Variants in DPRX observed in about 807,000 individuals in gnomAD.
DPRX encodes divergent paired-related homeobox.
A neutral mutation model predicts 8.4 loss-of-function variants in DPRX; 11 were observed. The observed-to-expected ratio is 1.31, with a 90% confidence interval of 0.82 to 2.17. The LOEUF is 2.17. DPRX is among the 30% of genes most tolerant of loss of function. The probability of loss-of-function intolerance (pLI) is 0.00; values close to 1 mark genes in which losing one functional copy is unlikely to be tolerated. For synonymous variants in DPRX, 72 were observed against 87.0 expected, an observed-to-expected ratio of 0.83 and a Z score of 0.96; for missense variants, 211 against 236.7, an observed-to-expected ratio of 0.89 and a Z score of 0.71.
chr19:53,621,569 A>G, the DPRX span, among the ~76,000 whole-genome samples: 150,251 of 152,218 alleles, frequency 0.99, 74,159 homozygotes, highest in East Asian at 1. Flanking sequence ...GCTGAGGCAG[A>G]CTGATCACTT....
At chr19:53,603,949 T>G in the DPRX span, among the ~76,000 whole-genome samples, 3 of 152,002 alleles carry the variant, frequency 2.0e-5, no homozygotes, top group Admixed American at 1.3e-4. Context: ...TTTCACCATG[T>G]TGGCCAGGCT....
At chr19:53,611,184 G>A in the DPRX span, among the ~76,000 whole-genome samples, 3 of 151,984 alleles carry the variant, frequency 2.0e-5, no homozygotes, top group East Asian at 3.9e-4. Context: ...TTACAGGCGC[G>A]AGCCACAGAG....
the DPRX span, among the ~76,000 whole-genome samples, chr19:53,624,541 T>C: frequency 6.6e-6 from 1 of 151,656 alleles, no homozygotes; most frequent in African/African-American, 2.4e-5. Context: ...GCCTTCTGAG[T>C]AGTTGGGATT....
chr19:53,601,298 T>A, the DPRX span: 3 of 456,390 alleles, frequency 6.6e-6, no homozygotes, highest in African/African-American at 6.0e-5. Flanking sequence ...TGGGCCCAGG[T>A]CTCAGTGGTC....
chr19:53,634,487 G>T, intron 1 of DPRX, 44 bp from the exon 2 acceptor site: 1 of 1,582,796 alleles, frequency 6.3e-7, no homozygotes, highest in Non-Finnish European at 8.6e-7. Flanking sequence ...TGAGAATGGA[G>T]TTGTTAGCAT....
At chr19:53,630,649 GA>G (rs952956236), upstream of DPRX, among the ~76,000 whole-genome samples, 14 of 147,044 alleles carry the variant, frequency 9.5e-5, no homozygotes, top group African/African-American at 1.7e-4. Context: ...GTCTCAAAAA[GA>G]AAAAAAAAAG....
chr19:53,610,146 T>G, the DPRX span, among the ~76,000 whole-genome samples: 5 of 8,058 alleles, frequency 6.2e-4, no homozygotes, highest in Admixed American at 2.0e-3. Flanking sequence ...AGCAAAACTG[T>G]GTCTCAAAAA....
the DPRX span, chr19:53,607,052 G>A: frequency 0.011 from 1,746 of 153,896 alleles, 33 homozygotes; most frequent in African/African-American, 0.039. Flanking sequence ...CAGGGAGCCC[G>A]AGCTACGGGG....
At chr19:53,624,646 C>T in the DPRX span, among the ~76,000 whole-genome samples, 1 of 151,806 alleles carries the variant, frequency 6.6e-6, no homozygotes, top group Non-Finnish European at 1.5e-5. Context: ...AACTCCTGGC[C>T]ACAAGTGATC....
upstream of DPRX, among the ~76,000 whole-genome samples, chr19:53,631,375 A>G (rs543320478): frequency 2.0e-5 from 3 of 152,268 alleles, no homozygotes; most frequent in East Asian, 1.9e-4. Flanking sequence ...CCAAGCATAT[A>G]TTAGCCACTA....
At chr19:53,621,695 G>T in the DPRX span, among the ~76,000 whole-genome samples, 4 of 151,862 alleles carry the variant, frequency 2.6e-5, no homozygotes, top group Non-Finnish European at 5.9e-5. Flanking sequence ...TGAGGCAGGA[G>T]AATCGGTTGA....
the DPRX span, among the ~76,000 whole-genome samples, chr19:53,618,734 G>A: frequency 6.7e-6 from 1 of 149,722 alleles, no homozygotes; most frequent in South Asian, 2.1e-4. Context: ...CCAGGCTGGA[G>A]TGCAGTGGCA....
rs755483042 is a variant in DPRX, at chr19:53,632,180, T to C, written c.28+46T>C. The C allele has an allele frequency of 3.1e-6, 5 of 1,613,052 alleles. No homozygotes were observed. The Admixed American group carries it at 6.7e-5, about 22-fold the overall frequency. On this transcript the variant is annotated intron_variant, in intron 1 of 2. Coordinates refer to ENST00000376650, the Ensembl canonical transcript of DPRX. The stretch of plus-strand genomic sequence containing the variant: ...ACCGAAGCAAAGACACGTGAAGAAG[T>C]GGAAAGCAGCTGGCGGCGGGAAAAG...
chr19:53,610,430 T>C, the DPRX span, among the ~76,000 whole-genome samples: 1 of 152,158 alleles, frequency 6.6e-6, no homozygotes, highest in Non-Finnish European at 1.5e-5. Flanking sequence ...TATCAAAATA[T>C]CACGTGCCCC....
At chr19:53,616,714 A>G in the DPRX span, 4 of 1,114,330 alleles carry the variant, frequency 3.6e-6, no homozygotes, top group Non-Finnish European at 5.0e-6. Context: ...AGATCGCACC[A>G]TTGCATTCCA....
the DPRX span, among the ~76,000 whole-genome samples, chr19:53,624,841 A>AAAG: frequency 1.3e-4 from 18 of 142,392 alleles, no homozygotes; most frequent in African/African-American, 4.3e-4. Flanking sequence ...AAAAAAAAAA[A>AAAG]AAAGAAAGAA....
the DPRX span, chr19:53,606,826 A>G: frequency 6.5e-5 from 10 of 152,718 alleles, no homozygotes; most frequent in African/African-American, 1.9e-4. The surrounding 1 kb of genome is among the most constrained non-coding windows in gnomAD (Gnocchi z 4.8). Flanking sequence ...AAGTGAAGGT[A>G]CAAAACCCTC....
At chr19:53,632,271 G>A (rs921824531) in intron 1 of DPRX, 137 bp downstream of exon 1, 4 of 1,046,612 alleles carry the variant, frequency 3.8e-6, no homozygotes, top group Admixed American at 2.0e-5. Flanking sequence ...TCCCACAGAG[G>A]CTGTCATCGT....
the DPRX span, among the ~76,000 whole-genome samples, chr19:53,617,994 C>T: frequency 7.9e-4 from 120 of 151,774 alleles, no homozygotes; most frequent in Middle Eastern, 3.4e-3. Context: ...AAAAATTAGC[C>T]GGGCGTGGTG....
Sources: allele counts gnomAD v4.1 joint callset (sites outside exome capture counted in the v4.1 genomes callset), GRCh38; gene constraint gnomAD v4.1.1; non-coding constraint Gnocchi (gnomAD v3.1); transcripts MANE v1.5; gene names NCBI Gene and HGNC (gene_info 2026-07-23, HGNC 2026-07-21).